The following TBC1D5 variants were observed in gnomAD, a reference collection of about 807,000 sequenced individuals.
TBC1D5 encodes the protein TBC1 domain family member 5, also known as TBC1 domain family, member 5.
In TBC1D5, 75 loss-of-function variants were observed where a neutral mutation model predicts 100.3. The ratio of observed to expected loss-of-function variants is 0.75; its 90% CI spans 0.62 to 0.91. The LOEUF is 0.91. Among genes scored for constraint, TBC1D5 ranks in the 40% least tolerant of loss-of-function variants. TBC1D5 has a pLI of 0.00. For synonymous variants in TBC1D5, 323 were observed against 325.6 expected, an observed-to-expected ratio of 0.99 and a Z score of 0.09; for missense variants, 910 against 942.4, an observed-to-expected ratio of 0.97 and a Z score of 0.45.
intron 3 of TBC1D5, among the ~76,000 whole-genome samples, chr3:17,455,215 CAT>C (rs1402801023): frequency 2.3e-5 from 3 of 131,390 alleles, no homozygotes; most frequent in South Asian, 2.3e-4. Flanking sequence ...TATATGTATA[CAT>C]ATATATTATA....
At chr3:17,573,037 T>A (rs2096636939) in intron 2 of TBC1D5, among the ~76,000 whole-genome samples, 1 of 152,124 alleles carries the variant, frequency 6.6e-6, no homozygotes, top group Non-Finnish European at 1.5e-5. Flanking sequence ...TCCATGTACA[T>A]ATCTCTTACA....
At chr3:17,638,639 T>C (rs1025514357) in intron 1 of TBC1D5, among the ~76,000 whole-genome samples, 3 of 152,242 alleles carry the variant, frequency 2.0e-5, no homozygotes, top group East Asian at 3.9e-4. Context: ...AGTAGTACTG[T>C]TTTTCAATAA....
chr3:17,699,717 T>A, intron 1 of TBC1D5, among the ~76,000 whole-genome samples: 1 of 150,858 alleles, frequency 6.6e-6, no homozygotes, highest in Non-Finnish European at 1.5e-5. Context: ...ATAGTTTTAA[T>A]TGTCCAATAA....
chr3:17,188,199 G>C (rs1297440091), intron 18 of TBC1D5, among the ~76,000 whole-genome samples: 3 of 152,166 alleles, frequency 2.0e-5, no homozygotes, highest in South Asian at 4.1e-4. Flanking sequence ...CCTCTAACTT[G>C]TATAGTTAAT....
chr3:17,480,321 G>A (rs2095487291), intron 3 of TBC1D5, among the ~76,000 whole-genome samples: 1 of 152,226 alleles, frequency 6.6e-6, no homozygotes, highest in Admixed American at 6.5e-5. Flanking sequence ...GGCAGAAACA[G>A]GCAGCTCCCC....
intron 19 of TBC1D5, among the ~76,000 whole-genome samples, chr3:17,178,081 T>TC: frequency 6.6e-6 from 1 of 151,036 alleles, no homozygotes; most frequent in African/African-American, 2.4e-5. Context: ...TTTTTTTTTT[T>TC]TTGAGATGGA....
rs150397991 is a variant in TBC1D5 at position 17,445,892 on chromosome 3, C to T, written c.98-17373G>A. On this transcript the variant is annotated intron_variant, in intron 3 of 21. Coordinates refer to ENST00000253692, the Ensembl canonical transcript of TBC1D5. ...TACTTATACAGTTGAGAACTAGTTA[C>T]GAACAGTTCTCACCCATGGACTAGA... Among the ~76,000 whole-genome samples the T allele has an allele frequency of 2.5e-3, 384 of 152,194 alleles. 1 individual carries two copies. Among genetic ancestry groups the T allele is most frequent in the Non-Finnish European group, 3.9e-3 (268 of 68,002 alleles).
At chr3:17,253,625 T>C (rs1265674112) in intron 16 of TBC1D5, among the ~76,000 whole-genome samples, 3 of 152,214 alleles carry the variant, frequency 2.0e-5, no homozygotes, top group Non-Finnish European at 2.9e-5. Flanking sequence ...AATTCGCTCA[T>C]GTCTCTTTAG....
intron 2 of TBC1D5, among the ~76,000 whole-genome samples, chr3:17,623,186 A>G (rs117613133): frequency 0.017 from 2,522 of 152,290 alleles, 51 homozygotes; most frequent in South Asian, 0.048. Flanking sequence ...TGACCTAGAA[A>G]TTTTGATGAA....
chr3:17,207,333 T>C (rs971459101), intron 18 of TBC1D5, among the ~76,000 whole-genome samples: 2 of 152,204 alleles, frequency 1.3e-5, no homozygotes, highest in Non-Finnish European at 2.9e-5. Flanking sequence ...TGGAAGTCAT[T>C]TATATTATCA....
chr3:17,530,979 G>A (rs1365191241), intron 2 of TBC1D5, among the ~76,000 whole-genome samples: 1 of 152,156 alleles, frequency 6.6e-6, no homozygotes, highest in Non-Finnish European at 1.5e-5. Context: ...GGAAGTTCTG[G>A]CCAGGGCAAT....
At position 17,622,121 on chromosome 3, in the gene TBC1D5, C is replaced by T. The variant is rs73165787; in HGVS notation, c.-36+1728G>A. Among the ~76,000 whole-genome samples the T allele has an allele frequency of 8.7e-3, 1,321 of 152,182 alleles. 24 individuals carry two copies. The highest frequency in any genetic ancestry group is 0.03 in the African/African-American group (1,243 of 41,506). On this transcript the variant is annotated intron_variant, in intron 2 of 21. Coordinates refer to ENST00000253692, the Ensembl canonical transcript of TBC1D5. ...GAAGGGAGCTGGGGAGAGATGGTTT[C>T]GAAATCAAACTGTTACACCTCAGAT...
intron 16 of TBC1D5, among the ~76,000 whole-genome samples, chr3:17,252,305 T>C (rs1185226734): frequency 6.6e-6 from 1 of 152,196 alleles, no homozygotes; most frequent in Non-Finnish European, 1.5e-5. Context: ...GAAACCAAGA[T>C]TAGTTCTTTG....
rs1576013164 is a variant in TBC1D5, at chr3:17,214,110, G to A, written c.1752+97C>T. On this transcript the variant is annotated intron_variant, in intron 18 of 21. Transcript: ENST00000253692. ...TCCTTTTAGTCCATAAAAGTTTTAA[G>A]AGCTTTATAAAACTGGGCACTAACA... 2.4e-6 allele frequency: 3 copies of A among 1,252,926 alleles called. No individual in the cohort carries two copies. The East Asian group carries it at 7.7e-5, about 32-fold the overall frequency. 77.6% of individuals were successfully genotyped at this position (1,252,926 alleles called of 1,614,324 possible).
chr3:17,332,724 A>C (rs1378109917), intron 13 of TBC1D5, among the ~76,000 whole-genome samples: 1 of 152,194 alleles, frequency 6.6e-6, no homozygotes, highest in Non-Finnish European at 1.5e-5. Context: ...ATATATCACA[A>C]AAGAGGAAGA....
intron 1 of TBC1D5, among the ~76,000 whole-genome samples, chr3:17,735,933 G>C (rs1190096045): frequency 6.6e-6 from 1 of 152,208 alleles, no homozygotes; most frequent in Admixed American, 6.5e-5. Flanking sequence ...ACAAGGGAGG[G>C]GACCCAAAGG....
At chr3:17,308,190 A>T in intron 13 of TBC1D5, 56 bp from the exon 14 acceptor site, 1 of 1,473,692 alleles carries the variant, frequency 6.8e-7, no homozygotes, top group Non-Finnish European at 9.0e-7. Flanking sequence ...ATAAAGAGTG[A>T]TCATTTTCTC....
chr3:17,289,859 A>G (rs1169198059), intron 15 of TBC1D5, among the ~76,000 whole-genome samples: 3 of 152,230 alleles, frequency 2.0e-5, no homozygotes, highest in Non-Finnish European at 4.4e-5. Context: ...CCACAGGCCC[A>G]TATTAACACA....
At chr3:17,181,102 T>C (rs1464088343) in intron 19 of TBC1D5, among the ~76,000 whole-genome samples, 1 of 152,194 alleles carries the variant, frequency 6.6e-6, no homozygotes, top group African/African-American at 2.4e-5. Context: ...GGAGGCTCAG[T>C]GGCCCTCATG....
Sources: gnomAD v4.1 joint callset for allele counts (sites outside exome capture counted in the v4.1 genomes callset) on GRCh38, gnomAD v4.1.1 for gene constraint, MANE v1.5 for transcripts, NCBI Gene and HGNC (gene_info 2026-07-23, HGNC 2026-07-21) for gene names.